Variants in LRP4 observed in about 807,000 individuals in gnomAD.
The protein encoded by LRP4 is low-density lipoprotein receptor-related protein 4.
A neutral mutation model predicts 220.3 loss-of-function variants in LRP4; 95 were observed. The observed-to-expected ratio is 0.43, with a 90% CI of 0.37 to 0.51. LRP4 has a LOEUF of 0.51. Among genes scored for constraint, LRP4 ranks in the 20% least tolerant of loss-of-function variants. LRP4 has a pLI of 0.00. For synonymous variants in LRP4, 903 were observed against 954.6 expected, an observed-to-expected ratio of 0.95 and a Z score of 1.00; for missense variants, 1,925 against 2,567.0, an observed-to-expected ratio of 0.75 and a Z score of 5.40.
At chr11:46,901,293 G>A (rs1941660617) in intron 2 of LRP4, among the ~76,000 whole-genome samples, 1 of 152,198 alleles carries the variant, frequency 6.6e-6, no homozygotes, top group African/African-American at 2.4e-5. Context: ...AGAGAAAGAA[G>A]CGCCTTTTTC....
Position 46,889,544 on chromosome 11 carries a change from A to T in LRP4, c.2093-11T>A. The T allele has an allele frequency of 1.2e-6, 2 of 1,613,224 alleles. No individual in the cohort carries two copies. The highest frequency in any genetic ancestry group is 2.2e-5 in the South Asian group (2 of 91,074). Reference sequence around the variant, plus strand: ...CACAGCGGTTTTTCCCTGCTCAAAGAGCCCAGGGCAAGAGGATCAGCGAAG... The same window carrying T: ...CACAGCGGTTTTTCCCTGCTCAAAGTGCCCAGGGCAAGAGGATCAGCGAAG... On this transcript the variant is annotated splice_polypyrimidine_tract_variant and intron_variant, in intron 15 of 37. Coordinates refer to ENST00000378623, the MANE Select transcript of LRP4 (RefSeq NM_002334.4).
chr11:46,910,913 T>C (rs778939959), intron 1 of LRP4, among the ~76,000 whole-genome samples: 15 of 152,110 alleles, frequency 9.9e-5, no homozygotes, highest in Non-Finnish European at 2.1e-4. Flanking sequence ...TGGCCTCAAG[T>C]GATCCACCTG....
rs762307866 is a variant in LRP4, at chr11:46,879,303, T to G, written c.2827A>C (p.Ser943Arg). Residue 943 changes from serine to arginine, a missense_variant, in exon 21 of 38, where the codon AGC becomes CGC. Ser to Arg is a moderately radical substitution (Grantham distance 110). Transcript: ENST00000378623. Reference protein sequence around the residue: ...DGSKRKVLIGSQLPHPFGLTL... With the variant: ...DGSKRKVLIGRQLPHPFGLTL... The stretch of plus-strand genomic sequence containing the variant: ...AGCCCAAATGGGTGGGGGAGCTGGC[T>G]TCCAATCAGCACCTGCCAGGGCCCC... 6.2e-7 allele frequency: 1 copy of G among 1,614,154 alleles called. No homozygotes were observed. The highest frequency in any genetic ancestry group is 2.2e-5 in the East Asian group (1 of 44,886).
intron 1 of LRP4, among the ~76,000 whole-genome samples, chr11:46,913,849 C>T (rs550843977): frequency 6.6e-6 from 1 of 152,094 alleles, no homozygotes; most frequent in Non-Finnish European, 1.5e-5. Context: ...GACTTCTTTT[C>T]TAGGAGTGGG....
intron 20 of LRP4, among the ~76,000 whole-genome samples, chr11:46,880,211 T>A (rs1178900275): frequency 6.7e-6 from 1 of 149,042 alleles, no homozygotes; most frequent in Non-Finnish European, 1.5e-5. Flanking sequence ...TTGGGCCCGG[T>A]GGCGCACAGC....
At chr11:46,880,623 T>C (rs1941132191) in intron 20 of LRP4, among the ~76,000 whole-genome samples, 1 of 151,466 alleles carries the variant, frequency 6.6e-6, no homozygotes, top group Admixed American at 6.6e-5. Context: ...TGTCTAAAAA[T>C]AAATAAATAA....
Position 46,886,140 on chromosome 11 carries a change from A to G in LRP4, c.2457T>C (p.Ala819=), listed in dbSNP as rs1455619479. 6.2e-7 allele frequency: 1 copy of G among 1,614,178 alleles called. No homozygotes were observed. The highest frequency in any genetic ancestry group is 1.7e-5 in the Admixed American group (1 of 60,034). Residue 819 remains alanine, a synonymous_variant, in exon 18 of 38, where the codon GCT becomes GCC. Coordinates refer to ENST00000378623, the MANE Select transcript of LRP4 (RefSeq NM_002334.4). ...VVVDTSLESP[A]GLAIDWVTNK... ...TGGTGACCCAATCAATGGCCAGGCC[A>G]GCTGGGCTCTCCAAACTGGTATCCA...
At chr11:46,883,455 T>C (rs1487643596) in intron 19 of LRP4, among the ~76,000 whole-genome samples, 1 of 152,288 alleles carries the variant, frequency 6.6e-6, no homozygotes, top group Non-Finnish European at 1.5e-5. Flanking sequence ...GACATGCTCC[T>C]GCTGCATTTA....
rs923538709 is a variant in LRP4, at chr11:46,858,691, G to T, written c.*292C>A. ...GGGGAAAGGGGAGGTGGAGCTCTAC[G>T]CTGGTGAGGAATCACGAATAAGCAG... On this transcript the variant is annotated 3_prime_UTR_variant, in exon 38 of 38. Transcript: ENST00000378623. 2.3e-6 allele frequency: 1 copy of T among 439,936 alleles called. No individual in the cohort carries two copies. The highest frequency in any genetic ancestry group is 4.3e-6 in the Non-Finnish European group (1 of 235,220). The allele number at this position is 439,936 out of a possible 1,614,324, so 27.3% of individuals were successfully genotyped here.
At chr11:46,862,803 G>C in intron 36 of LRP4, 56 bp from the exon 37 acceptor site, 1 of 1,535,020 alleles carries the variant, frequency 6.5e-7, no homozygotes, top group Non-Finnish European at 9.0e-7. Context: ...GATGATACCT[G>C]GGAAAGCTGT....
chr11:46,905,457 G>A (rs570169443), intron 1 of LRP4, among the ~76,000 whole-genome samples: 6 of 152,222 alleles, frequency 3.9e-5, no homozygotes, highest in African/African-American at 1.2e-4. Context: ...TTTGTCCCCC[G>A]GAGGACATTT....
chr11:46,876,406 G>C (rs926362308), intron 25 of LRP4, 60 bp downstream of exon 25: 3 of 1,602,836 alleles, frequency 1.9e-6, no homozygotes, highest in Non-Finnish European at 2.6e-6. Context: ...CCTTTACCCC[G>C]TCATAACCCC....
chr11:46,910,814 C>T (rs1203775459), intron 1 of LRP4, among the ~76,000 whole-genome samples: 1 of 151,782 alleles, frequency 6.6e-6, no homozygotes, highest in African/African-American at 2.4e-5. Flanking sequence ...GCTGAGACTA[C>T]AGGTGTGTAC....
Position 46,894,607 on chromosome 11 carries a change from T to C in LRP4, c.1522A>G (p.Thr508Ala), listed in dbSNP as rs527611037. Residue 508 changes from threonine to alanine, a missense_variant, in exon 12 of 38, where the codon ACT (threonine) becomes GCT (alanine). By Grantham distance (58) the Thr-to-Ala change is moderately conservative. Coordinates refer to ENST00000378623, the MANE Select transcript of LRP4 (RefSeq NM_002334.4). ...TCCCTACCTGGGCTCTCCAGCCCAGTAGACACAACCTCCTCCACGTTGCTG... is the reference window on the plus strand; with the variant it reads ...TCCCTACCTGGGCTCTCCAGCCCAGCAGACACAACCTCCTCCACGTTGCTG... ...NGSNVEEVVS[T>A]GLESPGGLAV... is the part of the protein sequence containing the mutation. The C allele has an allele frequency of 3.7e-6, 6 of 1,609,316 alleles. No individual in the cohort carries two copies. Among genetic ancestry groups the C allele is most frequent in the African/African-American group, 1.3e-5 (1 of 74,930 alleles).
chr11:46,886,631 C>G (rs1378428280), intron 16 of LRP4, 98 bp from the exon 17 acceptor site: 8 of 1,029,428 alleles, frequency 7.8e-6, no homozygotes, highest in Non-Finnish European at 1.2e-5. Context: ...TTCAATCACA[C>G]TTCCTGGGAT....
At chr11:46,860,653 T>C (rs1940520891) in intron 37 of LRP4, among the ~76,000 whole-genome samples, 1 of 152,240 alleles carries the variant, frequency 6.6e-6, no homozygotes, top group Non-Finnish European at 1.5e-5. Context: ...AGCAGAAGAC[T>C]GTGCTAGGTG....
rs913027848 is a variant in LRP4, at chr11:46,899,278, C to T, written c.547+109G>A. Reference sequence around the variant, plus strand: ...CCTAGGAGGAGCTGCTGCTGAGGCACCCATGCTCCTTGCCCTTGGTACATG... The same window carrying T: ...CCTAGGAGGAGCTGCTGCTGAGGCATCCATGCTCCTTGCCCTTGGTACATG... On this transcript the variant is annotated intron_variant, in intron 5 of 37. Transcript: ENST00000378623. The surrounding 1 kb of genome is among the most constrained non-coding windows in gnomAD (Gnocchi z 5.9). 15 of 989,602 alleles carry T rather than the reference C, an allele frequency of 1.5e-5. No homozygotes were observed. The Admixed American group carries it at 2.5e-4, about 17-fold the overall frequency. 61.3% of individuals were successfully genotyped at this position (989,602 alleles called of 1,614,324 possible).
chr11:46,895,665 CT>C (rs1941512612), intron 10 of LRP4, among the ~76,000 whole-genome samples: 1 of 152,240 alleles, frequency 6.6e-6, no homozygotes, highest in Non-Finnish European at 1.5e-5. Context: ...CCCAACTCTG[CT>C]ACTCGCCAGC....
At chr11:46,874,188 GA>G (rs2134791875) in intron 28 of LRP4, 1 of 164,494 alleles carries the variant, frequency 6.1e-6, no homozygotes, top group Non-Finnish European at 1.3e-5. Flanking sequence ...TCACCTAGGG[GA>G]CTTCCCTAAA....
Sources: gnomAD v4.1 joint callset for allele counts (sites outside exome capture counted in the v4.1 genomes callset) on GRCh38, gnomAD v4.1.1 for gene constraint, Gnocchi (gnomAD v3.1) non-coding constraint, MANE v1.5 for transcripts, NCBI Gene and HGNC (gene_info 2026-07-23, HGNC 2026-07-21) for gene names.